VPS13A: variants seen among roughly 807,000 people sequenced by gnomAD.
VPS13A encodes the protein intermembrane lipid transfer protein VPS13A.
VPS13A carries 264 observed loss-of-function variants against 390.9 expected under a neutral mutation model. The observed-to-expected ratio is 0.68, with a 90% CI of 0.61 to 0.75. The LOEUF is 0.75. Ranked by LOEUF, VPS13A falls within the 30% of genes least tolerant of loss-of-function variation. The pLI is 0.00. For missense variants in VPS13A, 3,409 were observed against 3,733.9 expected (o/e 0.91, Z 2.27); for synonymous variants, 1,231 against 1,227.1 (o/e 1.00, Z -0.07).
intron 34 of VPS13A, among the ~76,000 whole-genome samples, chr9:77,306,943 G>C (rs970966442): frequency 2.1e-5 from 3 of 140,820 alleles, no homozygotes; most frequent in African/African-American, 8.0e-5. Context: ...CAGAGTCTCT[G>C]TTGCCCAGGC....
At chr9:77,235,515 G>C (rs993526252) in intron 17 of VPS13A, among the ~76,000 whole-genome samples, 1 of 152,144 alleles carries the variant, frequency 6.6e-6, no homozygotes, top group African/African-American at 2.4e-5. Flanking sequence ...ATATGTTGCT[G>C]TGTGAGTCTC....
At chr9:77,403,752 G>A (rs761070446) in intron 69 of VPS13A, among the ~76,000 whole-genome samples, 1 of 152,154 alleles carries the variant, frequency 6.6e-6, no homozygotes, top group Admixed American at 6.5e-5. Flanking sequence ...ATACTCCAGC[G>A]ACTTCTTCAA....
At chr9:77,353,375 T>TG (rs774223088) in intron 53 of VPS13A, 34 bp from the exon 54 acceptor site, 7 of 1,408,170 alleles carry the variant, frequency 5.0e-6, no homozygotes, top group East Asian at 2.3e-5. Flanking sequence ...TCTAATTTTT[T>TG]GGTTTTTTTT....
chr9:77,344,761 G>GA (rs375699491), intron 51 of VPS13A, among the ~76,000 whole-genome samples: 270 of 119,084 alleles, frequency 2.3e-3, no homozygotes, highest in Middle Eastern at 4.3e-3. Context: ...TCCGTCTCAA[G>GA]AAAAAAAAAA....
At chr9:77,377,659 A>G (rs935379377) in intron 67 of VPS13A, among the ~76,000 whole-genome samples, 4 of 152,264 alleles carry the variant, frequency 2.6e-5, no homozygotes, top group Admixed American at 2.0e-4. Context: ...ATGTAAGAGT[A>G]TATCATCTGA....
intron 71 of VPS13A, among the ~76,000 whole-genome samples, chr9:77,411,566 G>A (rs796632463): frequency 6.7e-6 from 1 of 149,002 alleles, no homozygotes. Context: ...GGGAGGCTGA[G>A]GCAGGAGAAT....
intron 35 of VPS13A, among the ~76,000 whole-genome samples, chr9:77,310,574 G>A (rs926651650): frequency 2.6e-5 from 4 of 152,036 alleles, no homozygotes; most frequent in African/African-American, 9.7e-5. Context: ...TGCACTCATC[G>A]TGACAGTGTA....
intron 13 of VPS13A, among the ~76,000 whole-genome samples, chr9:77,224,990 G>A (rs1046869583): frequency 1.4e-4 from 21 of 152,144 alleles, no homozygotes; most frequent in African/African-American, 4.1e-4. Flanking sequence ...ATTACAACTC[G>A]TTGATGGCTC....
intron 35 of VPS13A, among the ~76,000 whole-genome samples, 154 bp from the exon 36 acceptor site, chr9:77,313,838 C>T (rs1829230340): frequency 6.6e-6 from 1 of 152,150 alleles, no homozygotes; most frequent in Non-Finnish European, 1.5e-5. Flanking sequence ...CCAGAAGTTA[C>T]TGAGTTTTAC....
chr9:77,280,158 G>T lies in VPS13A; in HGVS notation c.2825-1G>T. 6.2e-7 allele frequency: 1 copy of T among 1,603,026 alleles called. No individual in the cohort carries two copies. Among genetic ancestry groups the T allele is most frequent in the South Asian group, 1.1e-5 (1 of 89,526 alleles). ...GATAATTTTTAAAAAATTATTTTTA[G>T]ATGAAAACAAGAAACCAGTTTATTT... On this transcript the variant is annotated splice_acceptor_variant, in intron 26 of 71. Coordinates refer to ENST00000360280, the MANE Select transcript of VPS13A (RefSeq NM_033305.3). LOFTEE classifies it high-confidence loss of function.
At chr9:77,196,691 G>T (rs1419348364) in intron 1 of VPS13A, among the ~76,000 whole-genome samples, 1 of 151,172 alleles carries the variant, frequency 6.6e-6, no homozygotes, top group African/African-American at 2.4e-5. Flanking sequence ...TTTTTTAAAT[G>T]GGGAATAGTA....
chr9:77,180,161 A>G (rs1044119085), intron 1 of VPS13A, among the ~76,000 whole-genome samples: 31 of 151,890 alleles, frequency 2.0e-4, no homozygotes, highest in Non-Finnish European at 4.1e-4. Context: ...GGATATTATG[A>G]ATAATGCCAC....
intron 22 of VPS13A, 116 bp downstream of exon 22, chr9:77,252,468 C>G (rs1177201212): frequency 9.1e-6 from 8 of 880,718 alleles, no homozygotes; most frequent in Admixed American, 3.4e-5. Flanking sequence ...ATAACTGACT[C>G]TTCCTTGTGT....
chr9:77,351,558 G>T (rs1831468317), intron 53 of VPS13A, 112 bp downstream of exon 53: 4 of 1,353,784 alleles, frequency 3.0e-6, no homozygotes, highest in Non-Finnish European at 4.2e-6. Context: ...GCTGAGGTGG[G>T]CCATGAGTTG....
chr9:77,394,946 T>C (rs972531941), intron 68 of VPS13A, among the ~76,000 whole-genome samples: 4 of 152,210 alleles, frequency 2.6e-5, no homozygotes, highest in African/African-American at 9.6e-5. Flanking sequence ...CTTGAAGAAA[T>C]GTTGTGGCTG....
intron 19 of VPS13A, among the ~76,000 whole-genome samples, chr9:77,241,575 G>A (rs1824500969): frequency 6.6e-6 from 1 of 151,124 alleles, no homozygotes; most frequent in South Asian, 2.1e-4. Flanking sequence ...GTTTTTGTTG[G>A]TACTTACTTA....
intron 68 of VPS13A, among the ~76,000 whole-genome samples, chr9:77,394,097 CTCTG>C (rs1413825905): frequency 6.6e-6 from 1 of 152,062 alleles, no homozygotes; most frequent in Non-Finnish European, 1.5e-5. Context: ...AAGAGTCTCA[CTCTG>C]TCACCCAGGC....
At chr9:77,327,825 T>A (rs1269818947) in intron 45 of VPS13A, among the ~76,000 whole-genome samples, 1 of 152,146 alleles carries the variant, frequency 6.6e-6, no homozygotes, top group African/African-American at 2.4e-5. Flanking sequence ...AGTGACTTGC[T>A]CCATTGAAGT....
chr9:77,293,243 T>C, intron 31 of VPS13A, 98 bp from the exon 32 acceptor site: 1 of 1,142,134 alleles, frequency 8.8e-7, no homozygotes, highest in Non-Finnish European at 1.3e-6. Context: ...TTGGGAGATT[T>C]TCTAACTATG....
Sources: gnomAD v4.1 joint callset for allele counts (sites outside exome capture counted in the v4.1 genomes callset) on GRCh38, gnomAD v4.1.1 for gene constraint, MANE v1.5 for transcripts, NCBI Gene and HGNC (gene_info 2026-07-23, HGNC 2026-07-21) for gene names.